CCDC148: variants seen among roughly 807,000 people sequenced by gnomAD.
CCDC148 encodes coiled-coil domain-containing protein 148.
A neutral mutation model predicts 85.7 loss-of-function variants in CCDC148; 89 were observed. The observed-to-expected ratio is 1.04, with a 90% confidence interval of 0.87 to 1.24. The LOEUF (loss-of-function observed/expected upper bound fraction) is 1.24. CCDC148 is among the 50% of genes most tolerant of loss of function. CCDC148 has a pLI of 0.00. For synonymous variants in CCDC148, 230 were observed against 213.9 expected (o/e 1.08, Z -0.66); for missense variants, 692 against 671.7 (o/e 1.03, Z -0.33).
intron 1 of CCDC148, among the ~76,000 whole-genome samples, chr2:158,409,724 T>A (rs962675377): frequency 6.6e-6 from 1 of 152,154 alleles, no homozygotes; most frequent in African/African-American, 2.4e-5. Context: ...AGTTTTTAAA[T>A]GTGAGGACAT....
intron 9 of CCDC148, among the ~76,000 whole-genome samples, chr2:158,270,483 T>C (rs1347778980): frequency 6.6e-6 from 1 of 152,170 alleles, no homozygotes; most frequent in African/African-American, 2.4e-5. Context: ...TAACCAACCA[T>C]TAAAGCTATA....
At chr2:158,295,771 C>G (rs540560501) in intron 9 of CCDC148, among the ~76,000 whole-genome samples, 1 of 150,398 alleles carries the variant, frequency 6.6e-6, no homozygotes, top group Non-Finnish European at 1.5e-5. Context: ...CAATATCATA[C>G]TGAATGGGCA....
intron 9 of CCDC148, among the ~76,000 whole-genome samples, chr2:158,261,834 C>T (rs1467230387): frequency 6.6e-6 from 1 of 151,844 alleles, no homozygotes; most frequent in Non-Finnish European, 1.5e-5. Context: ...ACACCAGTCA[C>T]AATGGCCATT....
chr2:158,320,921 A>G (rs1353137001), intron 7 of CCDC148, among the ~76,000 whole-genome samples: 1 of 152,164 alleles, frequency 6.6e-6, no homozygotes, highest in Non-Finnish European at 1.5e-5. Flanking sequence ...ACTAATAAAG[A>G]CTTAAACTAG....
Position 158,333,464 on chromosome 2 carries a change from G to A in CCDC148, c.764+5262C>T, listed in dbSNP as rs560253582. ...AGATGGTCAGTTTTAGAATAAGTAC[G>A]ATGAGATGCTGAAGAGAACGCATAT... is the stretch of plus-strand genomic sequence containing the variant. On this transcript the variant is annotated intron_variant, in intron 7 of 13. Coordinates refer to ENST00000283233, the MANE Select transcript of CCDC148 (RefSeq NM_138803.4). Among the ~76,000 whole-genome samples the A allele has an allele frequency of 3.9e-5, 6 of 152,248 alleles. 1 individual carries two copies. In the South Asian group the frequency reaches 1.2e-3, roughly 32 times the overall value.
At chr2:158,440,017 C>A (rs997309615) in intron 1 of CCDC148, among the ~76,000 whole-genome samples, 4 of 151,412 alleles carry the variant, frequency 2.6e-5, no homozygotes, top group African/African-American at 7.3e-5. Context: ...TTCCATCACA[C>A]CCAGATATTT....
intron 13 of CCDC148, 68 bp from the exon 14 acceptor site, chr2:158,172,327 C>T: frequency 1.6e-6 from 2 of 1,216,274 alleles, no homozygotes; most frequent in South Asian, 2.8e-5. Context: ...CATTTAGTTC[C>T]ATGTTTTCCC....
intron 10 of CCDC148, among the ~76,000 whole-genome samples, chr2:158,226,528 C>G (rs112349335): frequency 1.3e-5 from 2 of 151,984 alleles, no homozygotes; most frequent in African/African-American, 4.8e-5. Context: ...ACCAATATCC[C>G]TGATGAACAT....
intron 10 of CCDC148, among the ~76,000 whole-genome samples, chr2:158,234,664 G>T (rs1227067268): frequency 1.3e-5 from 2 of 152,072 alleles, no homozygotes; most frequent in African/African-American, 4.8e-5. Flanking sequence ...TGCAAGATTT[G>T]CAAAATGCAC....
chr2:158,374,743 CCCAAAAGGT>C (rs1436623960), intron 1 of CCDC148, among the ~76,000 whole-genome samples: 2 of 151,228 alleles, frequency 1.3e-5, no homozygotes, highest in Admixed American at 1.3e-4. Flanking sequence ...TCAACATAGC[CCCAAAAGGT>C]CCTATTACTA....
intron 9 of CCDC148, among the ~76,000 whole-genome samples, chr2:158,282,570 A>G (rs1188575032): frequency 6.6e-6 from 1 of 152,196 alleles, no homozygotes; most frequent in East Asian, 1.9e-4. Context: ...CCAACTTACA[A>G]GGGACGTGAA....
chr2:158,397,119 A>C (rs1361576602), intron 1 of CCDC148, among the ~76,000 whole-genome samples: 1 of 152,078 alleles, frequency 6.6e-6, no homozygotes, highest in East Asian at 1.9e-4. Flanking sequence ...ACTTAAGCTC[A>C]GGTGAAGAAG....
intron 10 of CCDC148, among the ~76,000 whole-genome samples, chr2:158,227,019 CCT>C (rs1687577243): frequency 6.6e-6 from 1 of 152,018 alleles, no homozygotes; most frequent in African/African-American, 2.4e-5. Context: ...TCAAATTGTC[CCT>C]GTTTGCAGAT....
rs1356508352 is a variant in CCDC148 at position 158,313,754 on chromosome 2, A to C, written c.903+2T>G. ...CAGTATGTAGGTAGGTCCAGTACTC[A>C]CCAAATCATGCCTAGATTTGTGAGG... On this transcript the variant is annotated splice_donor_variant, in intron 8 of 13. Coordinates refer to ENST00000283233, the MANE Select transcript of CCDC148 (RefSeq NM_138803.4). LOFTEE classifies it high-confidence loss of function. 1 of 1,613,530 alleles carries C rather than the reference A, an allele frequency of 6.2e-7. No homozygotes were observed. Among genetic ancestry groups the C allele is most frequent in the East Asian group, 2.2e-5 (1 of 44,832 alleles).
intron 10 of CCDC148, among the ~76,000 whole-genome samples, chr2:158,223,475 G>C (rs1378021726): frequency 2.0e-5 from 3 of 152,142 alleles, no homozygotes; most frequent in Non-Finnish European, 4.4e-5. Flanking sequence ...GAGTGTAGTG[G>C]TTCTCCCACC....
chr2:158,445,057 C>G (rs1688105639), intron 1 of CCDC148, among the ~76,000 whole-genome samples: 1 of 152,022 alleles, frequency 6.6e-6, no homozygotes, highest in Admixed American at 6.5e-5. Flanking sequence ...GAAGCTTATA[C>G]AGTTCACACT....
intron 1 of CCDC148, among the ~76,000 whole-genome samples, chr2:158,451,659 T>G (rs543526416): frequency 6.6e-6 from 1 of 152,040 alleles, no homozygotes; most frequent in African/African-American, 2.4e-5. Flanking sequence ...GAGAACAGAT[T>G]GTTGAGGAAT....
intron 9 of CCDC148, among the ~76,000 whole-genome samples, chr2:158,270,729 T>C (rs1689660104): frequency 6.6e-6 from 1 of 152,168 alleles, no homozygotes; most frequent in South Asian, 2.1e-4. Context: ...CTCAACTCTT[T>C]TTGGCACAGC....
At chr2:158,233,228 A>C (rs1687939296) in intron 10 of CCDC148, among the ~76,000 whole-genome samples, 1 of 152,174 alleles carries the variant, frequency 6.6e-6, no homozygotes, top group Non-Finnish European at 1.5e-5. Context: ...TGTTTTACAT[A>C]TACATAGCAT....
Sources: gnomAD v4.1 joint callset for allele counts (sites outside exome capture counted in the v4.1 genomes callset) on GRCh38, gnomAD v4.1.1 for gene constraint, MANE v1.5 for transcripts, NCBI Gene and HGNC (gene_info 2026-07-23, HGNC 2026-07-21) for gene names.